CDK6: variants seen among roughly 807,000 people sequenced by gnomAD.
CDK6 encodes the protein cyclin-dependent kinase 6.
Under a neutral mutation model 37.1 loss-of-function variants are expected in CDK6, and 6 were observed. The observed-to-expected ratio is 0.16, with a 90% CI of 0.09 to 0.32. CDK6 has a LOEUF of 0.32. Among genes scored for constraint, CDK6 ranks in the 10% least tolerant of loss-of-function variants. The pLI is 1.00. For synonymous variants in CDK6, 160 were observed against 161.3 expected (o/e 0.99, Z 0.06); for missense variants, 224 against 418.9 (o/e 0.53, Z 4.06).
intron 2 of CDK6, among the ~76,000 whole-genome samples, chr7:92,778,761 G>T (rs1177130118): frequency 6.6e-6 from 1 of 151,638 alleles, no homozygotes; most frequent in Non-Finnish European, 1.5e-5. Context: ...CAAACACAGA[G>T]CTGTTTCATA....
intron 7 of CDK6, among the ~76,000 whole-genome samples, chr7:92,615,781 C>T (rs562393028): frequency 6.6e-6 from 1 of 152,248 alleles, no homozygotes; most frequent in East Asian, 1.9e-4. Context: ...TGTAGGGCTA[C>T]CAAGGTGAAT....
At chr7:92,822,847 T>C (rs1584121831) in intron 2 of CDK6, among the ~76,000 whole-genome samples, 1 of 152,124 alleles carries the variant, frequency 6.6e-6, no homozygotes, top group East Asian at 1.9e-4. Flanking sequence ...AGAATTTTCA[T>C]CTACTTTCAG....
intron 5 of CDK6, among the ~76,000 whole-genome samples, chr7:92,623,391 T>C (rs1401777364): frequency 1.3e-5 from 2 of 152,176 alleles, no homozygotes; most frequent in African/African-American, 4.8e-5. Flanking sequence ...AAAGATCTGC[T>C]TAACTTCGTG....
chr7:92,751,448 T>C (rs1328516841), intron 3 of CDK6, among the ~76,000 whole-genome samples: 1 of 152,140 alleles, frequency 6.6e-6, no homozygotes, highest in East Asian at 1.9e-4. Context: ...GATTTTTTCA[T>C]TGGAGAGAAG....
At chr7:92,749,369 T>C (rs577914126) in intron 3 of CDK6, among the ~76,000 whole-genome samples, 1 of 152,166 alleles carries the variant, frequency 6.6e-6, no homozygotes, top group South Asian at 2.1e-4. Flanking sequence ...TTCAGCTACT[T>C]GGGAGGATTG....
intron 4 of CDK6, among the ~76,000 whole-genome samples, chr7:92,688,106 G>A (rs1249334570): frequency 6.6e-6 from 1 of 152,084 alleles, no homozygotes; most frequent in Non-Finnish European, 1.5e-5. Flanking sequence ...CATGTCTCTT[G>A]TTGGATACAG....
At chr7:92,669,650 G>A (rs891457248) in intron 5 of CDK6, among the ~76,000 whole-genome samples, 21 of 152,214 alleles carry the variant, frequency 1.4e-4, no homozygotes, top group African/African-American at 4.8e-4. Context: ...CTAACCATAA[G>A]CCTTTAACCC....
chr7:92,785,489 G>A (rs979867407), intron 2 of CDK6, among the ~76,000 whole-genome samples: 10 of 152,172 alleles, frequency 6.6e-5, no homozygotes, highest in Admixed American at 4.6e-4. Context: ...GTGCAACTCA[G>A]TAAGTATACT....
chr7:92,795,637 T>G (rs975649165), intron 2 of CDK6, among the ~76,000 whole-genome samples: 13 of 152,134 alleles, frequency 8.5e-5, no homozygotes, highest in African/African-American at 2.7e-4. Flanking sequence ...ATTAAAACAA[T>G]AGAAGAGAAC....
chr7:92,616,942 G>A (rs376661319), intron 7 of CDK6, among the ~76,000 whole-genome samples: 1 of 152,160 alleles, frequency 6.6e-6, no homozygotes, highest in Admixed American at 6.5e-5. Context: ...TCTACTTCAG[G>A]AACAAGGTTG....
intron 3 of CDK6, among the ~76,000 whole-genome samples, chr7:92,758,819 G>A (rs916452015): frequency 6.6e-6 from 1 of 152,062 alleles, no homozygotes; most frequent in Non-Finnish European, 1.5e-5. Flanking sequence ...TTTGAGCAGT[G>A]TTTTGTAATT....
intron 3 of CDK6, among the ~76,000 whole-genome samples, chr7:92,738,024 A>G (rs1798828105): frequency 6.6e-6 from 1 of 152,046 alleles, no homozygotes; most frequent in South Asian, 2.1e-4. Context: ...GCTTATGGGG[A>G]CTCCATAGAG....
rs1443370128 is a variant in CDK6 at position 92,613,673 on chromosome 7, A to G, written c.*1467T>C. 11 of 233,112 alleles carry G rather than the reference A, an allele frequency of 4.7e-5. No homozygotes were observed. In the East Asian group the frequency reaches 6.6e-4, roughly 14 times the overall value. 14.4% of individuals were successfully genotyped at this position (233,112 alleles called of 1,614,324 possible). A position where few individuals can be genotyped will look rare whatever the true frequency, so the allele number is the denominator to read the frequency against. ...TGATAGAGTAAATGTATGGCCCTAAAACATAGCTAAAGACATACCCTCAGG... is the reference window on the plus strand; with the variant it reads ...TGATAGAGTAAATGTATGGCCCTAAGACATAGCTAAAGACATACCCTCAGG... On this transcript the variant is annotated 3_prime_UTR_variant, in exon 8 of 8. Coordinates refer to ENST00000424848, the MANE Select transcript of CDK6 (RefSeq NM_001145306.2).
At chr7:92,622,621 C>T (rs888426902) in intron 6 of CDK6, among the ~76,000 whole-genome samples, 13 of 152,044 alleles carry the variant, frequency 8.6e-5, no homozygotes, top group East Asian at 1.9e-4. Flanking sequence ...AACAAAACAA[C>T]GCAGAACCAA....
At position 92,833,991 on chromosome 7, in the gene CDK6, A is replaced by T. The variant is rs1801575969; in HGVS notation, c.-367-301T>A. 2 of 398,322 alleles carry T rather than the reference A, an allele frequency of 5.0e-6. No homozygotes were observed. The highest frequency in any genetic ancestry group is 8.8e-6 in the Non-Finnish European group (2 of 226,014). 24.7% of individuals were successfully genotyped at this position (398,322 alleles called of 1,614,324 possible). A position where few individuals can be genotyped will look rare whatever the true frequency, so the allele number is the denominator to read the frequency against. The stretch of plus-strand genomic sequence containing the variant: ...GGAGGGGGCGTGCCGAGCAGCCCAG[A>T]GTGTGCCGGGAGCGCGGGGGAGGGG... On this transcript the variant is annotated intron_variant, in intron 1 of 7. Coordinates refer to ENST00000424848, the MANE Select transcript of CDK6 (RefSeq NM_001145306.2). The surrounding 1 kb of genome is among the most constrained non-coding windows in gnomAD (Gnocchi z 6.1).
At chr7:92,786,442 G>A (rs1259319356) in intron 2 of CDK6, among the ~76,000 whole-genome samples, 1 of 152,084 alleles carries the variant, frequency 6.6e-6, no homozygotes, top group African/African-American at 2.4e-5. Context: ...TTAAACCTTA[G>A]TAACTTAAAG....
At chr7:92,660,295 C>T (rs1011008116) in intron 5 of CDK6, among the ~76,000 whole-genome samples, 2 of 152,166 alleles carry the variant, frequency 1.3e-5, no homozygotes, top group Non-Finnish European at 1.5e-5. Flanking sequence ...CAGTACAGTG[C>T]TTCAGGCCTC....
At chr7:92,704,614 C>T (rs1432347258) in intron 4 of CDK6, among the ~76,000 whole-genome samples, 1 of 152,078 alleles carries the variant, frequency 6.6e-6, no homozygotes, top group African/African-American at 2.4e-5. Context: ...TTTTATTCCC[C>T]TCAATATTAT....
chr7:92,796,043 A>G (rs138003809), intron 2 of CDK6, among the ~76,000 whole-genome samples: 1,912 of 151,604 alleles, frequency 0.013, 40 homozygotes, highest in Middle Eastern at 0.044. Context: ...AATGCTACCT[A>G]AATGGAGGAC....
Sources: allele counts gnomAD v4.1 joint callset (sites outside exome capture counted in the v4.1 genomes callset), GRCh38; gene constraint gnomAD v4.1.1; non-coding constraint Gnocchi (gnomAD v3.1); transcripts MANE v1.5; gene names NCBI Gene and HGNC (gene_info 2026-07-23, HGNC 2026-07-21).